The following GBE1 variants were observed in gnomAD, a reference collection of about 807,000 sequenced individuals.
The protein encoded by GBE1 is 1,4-alpha-glucan branching enzyme 1.
A neutral mutation model predicts 88.8 loss-of-function variants in GBE1; 70 were observed. That is an observed-to-expected ratio of 0.79 (90% CI 0.65 to 0.96). The LOEUF (loss-of-function observed/expected upper bound fraction) is 0.96, where lower values mean the gene tolerates loss of function less well. GBE1 is among the 40% of genes least tolerant of loss of function. The probability of loss-of-function intolerance (pLI) is 0.00; values close to 1 mark genes in which losing one functional copy is unlikely to be tolerated. For synonymous variants in GBE1, 284 were observed against 300.1 expected (o/e 0.95, Z 0.56); for missense variants, 872 against 871.0 (o/e 1.00, Z -0.01).
chr3:81,595,046 C>A (rs1431850323), intron 7 of GBE1, among the ~76,000 whole-genome samples: 1 of 150,780 alleles, frequency 6.6e-6, no homozygotes, highest in African/African-American at 2.4e-5. Context: ...AATTGTAAAT[C>A]CAAACTTTGG....
intron 12 of GBE1, among the ~76,000 whole-genome samples, chr3:81,551,902 A>G (rs2106895425): frequency 1.3e-5 from 2 of 152,228 alleles, no homozygotes; most frequent in East Asian, 3.9e-4. Context: ...CATACCCCCA[A>G]TTCTAGAAGA....
At chr3:81,646,318 A>G (rs1349688653) in intron 6 of GBE1, 74 bp downstream of exon 6, 2 of 972,180 alleles carry the variant, frequency 2.1e-6, no homozygotes, top group Non-Finnish European at 3.2e-6. Context: ...GTTATAAAAA[A>G]TGAACAATTT....
Position 81,691,874 on chromosome 3 carries a change from A to C in GBE1, c.313+13570T>G, listed in dbSNP as rs190968078. On this transcript the variant is annotated intron_variant, in intron 2 of 15. Transcript: ENST00000429644. The stretch of plus-strand genomic sequence containing the variant: ...TCTGGGTAGATCTTAGGCAAAAGTA[A>C]ACCAATAAAAGAGAAAACCCCACTT... Among the ~76,000 whole-genome samples the C allele has an allele frequency of 3.9e-5, 6 of 151,960 alleles. No individual in the cohort carries two copies. In the East Asian group the frequency reaches 1.2e-3, roughly 29 times the overall value.
chr3:81,646,174 C>A (rs1467234228), intron 6 of GBE1, among the ~76,000 whole-genome samples: 5 of 152,176 alleles, frequency 3.3e-5, no homozygotes, highest in Non-Finnish European at 5.9e-5. Flanking sequence ...CATTCTATAT[C>A]ACAAATCATC....
At chr3:81,566,557 A>G (rs1703497267) in intron 12 of GBE1, among the ~76,000 whole-genome samples, 1 of 152,186 alleles carries the variant, frequency 6.6e-6, no homozygotes, top group Non-Finnish European at 1.5e-5. Flanking sequence ...ACAAATATCT[A>G]ACGAACATGC....
chr3:81,745,861 C>G (rs1260724969), intron 1 of GBE1, among the ~76,000 whole-genome samples: 1 of 152,058 alleles, frequency 6.6e-6, no homozygotes, highest in Admixed American at 6.6e-5. Flanking sequence ...CAACTTCCAT[C>G]TCTCAACAAC....
intron 2 of GBE1, among the ~76,000 whole-genome samples, chr3:81,691,023 G>A (rs1047675307): frequency 2.6e-5 from 4 of 151,840 alleles, no homozygotes; most frequent in African/African-American, 9.7e-5. Flanking sequence ...GTGGAGCACT[G>A]TACACAGGAA....
chr3:81,557,238 T>C (rs756755895), intron 12 of GBE1, among the ~76,000 whole-genome samples: 5 of 152,052 alleles, frequency 3.3e-5, no homozygotes, highest in Non-Finnish European at 7.4e-5. Context: ...TTGTAAAAAG[T>C]GACATTATGC....
chr3:81,540,416 T>G (rs147207001), intron 12 of GBE1, among the ~76,000 whole-genome samples: 21 of 152,166 alleles, frequency 1.4e-4, no homozygotes, highest in African/African-American at 4.6e-4. Context: ...TTAGCAAGAC[T>G]TGGGTTTAAA....
At chr3:81,753,348 C>T (rs1378033794) in intron 1 of GBE1, among the ~76,000 whole-genome samples, 1 of 152,112 alleles carries the variant, frequency 6.6e-6, no homozygotes, top group African/African-American at 2.4e-5. Context: ...AATCAGCTCA[C>T]TTTACAATGA....
At chr3:81,750,538 C>CGTAT (rs1553696531) in intron 1 of GBE1, among the ~76,000 whole-genome samples, 1 of 67,830 alleles carries the variant, frequency 1.5e-5, no homozygotes, top group Admixed American at 1.8e-4. Context: ...TATATATATA[C>CGTAT]GTATATATAT....
At chr3:81,532,165 A>G (rs1423010223) in intron 14 of GBE1, among the ~76,000 whole-genome samples, 3 of 151,932 alleles carry the variant, frequency 2.0e-5, no homozygotes, top group Non-Finnish European at 2.9e-5. Context: ...TTTGCTTGAA[A>G]TAATGTTAAA....
chr3:81,552,513 T>C (rs1443759656), intron 12 of GBE1, among the ~76,000 whole-genome samples: 2 of 92,974 alleles, frequency 2.2e-5, no homozygotes, highest in African/African-American at 8.9e-5. Flanking sequence ...CAAGGCTCTA[T>C]CTTATATAAA....
chr3:81,675,277 A>G (rs968038824), intron 2 of GBE1, among the ~76,000 whole-genome samples: 3 of 152,058 alleles, frequency 2.0e-5, no homozygotes, highest in African/African-American at 7.2e-5. Flanking sequence ...GGACTTCTGA[A>G]ATCAAAAATG....
chr3:81,704,506 C>T (rs983367779), intron 2 of GBE1, among the ~76,000 whole-genome samples: 1 of 152,020 alleles, frequency 6.6e-6, no homozygotes, highest in Admixed American at 6.6e-5. Context: ...ACCACCCCAA[C>T]CCCTGACAAC....
chr3:81,517,851 A>G (rs1702818863), intron 14 of GBE1, among the ~76,000 whole-genome samples: 1 of 151,324 alleles, frequency 6.6e-6, no homozygotes, highest in African/African-American at 2.4e-5. Context: ...TACATACTCC[A>G]TTTATCCATC....
intron 9 of GBE1, among the ~76,000 whole-genome samples, chr3:81,589,155 T>A (rs1011017208): frequency 2.0e-5 from 3 of 152,084 alleles, no homozygotes; most frequent in African/African-American, 7.2e-5. Flanking sequence ...TTAAAATAGT[T>A]CTAATTTTTT....
intron 7 of GBE1, among the ~76,000 whole-genome samples, chr3:81,606,308 A>C (rs1332499188): frequency 2.0e-5 from 3 of 152,168 alleles, no homozygotes; most frequent in African/African-American, 7.2e-5. Context: ...GTTTTTCTTC[A>C]TATATAATGA....
At chr3:81,577,612 A>G (rs981138663) in intron 12 of GBE1, among the ~76,000 whole-genome samples, 4 of 152,178 alleles carry the variant, frequency 2.6e-5, no homozygotes, top group Non-Finnish European at 5.9e-5. Flanking sequence ...TGCAAATACT[A>G]TAACAATAAA....
Sources: gnomAD v4.1 joint callset for allele counts (sites outside exome capture counted in the v4.1 genomes callset) on GRCh38, gnomAD v4.1.1 for gene constraint, MANE v1.5 for transcripts, NCBI Gene and HGNC (gene_info 2026-07-23, HGNC 2026-07-21) for gene names.